The following TTC4 variants were observed in gnomAD, a reference collection of about 807,000 sequenced individuals.
TTC4 encodes the protein tetratricopeptide repeat domain 4.
Under a neutral mutation model 51.9 loss-of-function variants are expected in TTC4, and 36 were observed. The observed-to-expected ratio is 0.69, with a 90% CI of 0.53 to 0.92. TTC4 has a LOEUF of 0.92. Ranked by LOEUF, TTC4 falls within the 40% of genes least tolerant of loss-of-function variation. TTC4 has a pLI of 0.00. For synonymous variants in TTC4, 144 were observed against 164.2 expected, an observed-to-expected ratio of 0.88 and a Z score of 0.94; for missense variants, 399 against 454.6, an observed-to-expected ratio of 0.88 and a Z score of 1.11.
At chr1:54,736,093 A>G (rs188125188) in intron 8 of TTC4, among the ~76,000 whole-genome samples, 18 of 151,256 alleles carry the variant, frequency 1.2e-4, no homozygotes, top group African/African-American at 3.9e-4. Flanking sequence ...GATTAATACA[A>G]TGGGGGTAGA....
intron 9 of TTC4, among the ~76,000 whole-genome samples, chr1:54,739,089 C>T (rs1208547330): frequency 6.6e-6 from 1 of 150,888 alleles, no homozygotes; most frequent in Admixed American, 6.6e-5. Context: ...CCAGGCTGGT[C>T]TTGAACTCCT....
intron 5 of TTC4, among the ~76,000 whole-genome samples, chr1:54,723,025 AAC>A (rs1434016087): frequency 6.6e-6 from 1 of 152,228 alleles, no homozygotes; most frequent in East Asian, 1.9e-4. Flanking sequence ...TGTGCCACAT[AAC>A]AGTGTTTCAT....
chr1:54,736,261 A>T (rs1436019484), intron 8 of TTC4, among the ~76,000 whole-genome samples: 4,798 of 125,788 alleles, frequency 0.038, 609 homozygotes, highest in African/African-American at 0.1. Flanking sequence ...GAGGAGAGAG[A>T]GAGAGAGAGA....
chr1:54,732,091 G>A (rs1376579885), intron 7 of TTC4, among the ~76,000 whole-genome samples: 4 of 151,996 alleles, frequency 2.6e-5, no homozygotes, highest in Admixed American at 1.3e-4. Flanking sequence ...CAGCACTTTG[G>A]GAGGCCGAGT....
intron 8 of TTC4, 83 bp from the exon 9 acceptor site, chr1:54,737,498 CT>C: frequency 1.5e-6 from 2 of 1,312,524 alleles, no homozygotes; most frequent in South Asian, 1.3e-5. Flanking sequence ...CCGTTGCCAT[CT>C]TTTTAATTTT....
In TTC4 at chr1:54,733,727, T is replaced by G; in HGVS notation, c.978+17T>G. The G allele has an allele frequency of 6.4e-7, 1 of 1,551,188 alleles. No individual in the cohort carries two copies. The highest frequency in any genetic ancestry group is 8.8e-7 in the Non-Finnish European group (1 of 1,138,736). The stretch of plus-strand genomic sequence containing the variant: ...AATTTGGAGGTAAGAGAAGTTTTAT[T>G]TCGTTCCTCTATGGAATTAATTTTT... On this transcript the variant is annotated intron_variant, in intron 8 of 9. Coordinates refer to ENST00000371281, the MANE Select transcript of TTC4 (RefSeq NM_004623.5).
intron 9 of TTC4, among the ~76,000 whole-genome samples, chr1:54,740,477 T>C (rs1053128812): frequency 3.3e-5 from 5 of 152,174 alleles, no homozygotes; most frequent in African/African-American, 1.2e-4. Context: ...TGTTAGCAAA[T>C]TACCCAGAAT....
At chr1:54,726,895 C>T (rs1443075330) in intron 5 of TTC4, among the ~76,000 whole-genome samples, 1 of 152,124 alleles carries the variant, frequency 6.6e-6, no homozygotes, top group Non-Finnish European at 1.5e-5. Flanking sequence ...GCCTCAGTCT[C>T]CCAAGCAACT....
intron 4 of TTC4, among the ~76,000 whole-genome samples, chr1:54,722,129 ATT>A (rs11443027): frequency 0.088 from 13,000 of 146,958 alleles, 745 homozygotes; most frequent in South Asian, 0.19. Flanking sequence ...ATAACATGAA[ATT>A]TTTTTTTTTT....
At chr1:54,717,442 G>A (rs1397073880) in intron 2 of TTC4, 50 bp from the exon 3 acceptor site, 1 of 1,409,536 alleles carries the variant, frequency 7.1e-7, no homozygotes, top group South Asian at 1.9e-5. Flanking sequence ...TATTTTTAAT[G>A]AGCCTTTTAA....
intron 3 of TTC4, among the ~76,000 whole-genome samples, chr1:54,717,987 G>C (rs1645696240): frequency 6.6e-6 from 1 of 152,152 alleles, no homozygotes; most frequent in Admixed American, 6.5e-5. Flanking sequence ...CTCTTTTCAA[G>C]GATGCTAGCA....
chr1:54,719,896 CTT>C (rs35056653), intron 3 of TTC4, among the ~76,000 whole-genome samples: 42 of 135,622 alleles, frequency 3.1e-4, no homozygotes, highest in Non-Finnish European at 3.0e-4. Context: ...ATGTTCCATA[CTT>C]TTTTTTTTTT....
intron 3 of TTC4, 160 bp downstream of exon 3, chr1:54,717,813 A>G (rs931325618): frequency 1.6e-6 from 1 of 612,432 alleles, no homozygotes; most frequent in Non-Finnish European, 2.5e-6. Context: ...AGTTGACATG[A>G]TGAAAAGAGA....
intron 5 of TTC4, among the ~76,000 whole-genome samples, chr1:54,723,428 T>A (rs1454057104): frequency 6.6e-6 from 1 of 152,162 alleles, no homozygotes; most frequent in Non-Finnish European, 1.5e-5. Flanking sequence ...AGCTAAAGAC[T>A]CCCAGTGTAT....
At chr1:54,722,900 A>C in intron 5 of TTC4, 101 bp downstream of exon 5, 1 of 1,485,052 alleles carries the variant, frequency 6.7e-7, no homozygotes, top group Non-Finnish European at 9.1e-7. Flanking sequence ...TAAAAACAAA[A>C]CCCAAAACTA....
chr1:54,741,650 TG>T lies in TTC4; in HGVS notation c.*142del. The T allele has an allele frequency of 1.4e-6, 1 of 721,600 alleles. No individual in the cohort carries two copies. The allele number at this position is 721,600 out of a possible 1,614,324, so 44.7% of individuals were successfully genotyped here. On this transcript the variant is annotated 3_prime_UTR_variant, in exon 10 of 10. Coordinates refer to ENST00000371281, the MANE Select transcript of TTC4 (RefSeq NM_004623.5). ...GGGATAGTCCTTCCTGGCATCGTGG[TG>T]GGGGAGGAGCCTCTGGCTTCCCTAA...
At chr1:54,728,320 C>G in intron 5 of TTC4, 26 bp from the exon 6 acceptor site, 1 of 1,600,630 alleles carries the variant, frequency 6.2e-7, no homozygotes, top group Non-Finnish European at 8.5e-7. Flanking sequence ...GTCTCTAGAG[C>G]TGATGCATCT....
At chr1:54,718,168 G>A (rs920489541) in intron 3 of TTC4, among the ~76,000 whole-genome samples, 1 of 152,000 alleles carries the variant, frequency 6.6e-6, no homozygotes, top group Non-Finnish European at 1.5e-5. Context: ...ATCGCCTGAG[G>A]CCAGGAGTTC....
intron 5 of TTC4, among the ~76,000 whole-genome samples, chr1:54,725,728 A>G (rs11206422): frequency 0.13 from 20,428 of 152,226 alleles, 1,567 homozygotes; most frequent in South Asian, 0.27. Context: ...AAGAACTAAA[A>G]AAAGTATGAG....
Sources: gnomAD v4.1 joint callset for allele counts (sites outside exome capture counted in the v4.1 genomes callset) on GRCh38, gnomAD v4.1.1 for gene constraint, MANE v1.5 for transcripts, NCBI Gene and HGNC (gene_info 2026-07-23, HGNC 2026-07-21) for gene names.